CALB2: variants seen among roughly 807,000 people sequenced by gnomAD.
CALB2 encodes the protein calbindin 2, also known as calretinin.
A neutral mutation model predicts 45.9 loss-of-function variants in CALB2; 34 were observed. That is an observed-to-expected ratio of 0.74 (90% CI 0.56 to 0.99). The LOEUF (loss-of-function observed/expected upper bound fraction) is 0.99, where lower values mean the gene tolerates loss of function less well. Among genes scored for constraint, CALB2 ranks in the 50% least tolerant of loss-of-function variants. CALB2 has a pLI of 0.00. For synonymous variants in CALB2, 142 were observed against 129.6 expected (o/e 1.10, Z -0.65); for missense variants, 344 against 339.3 (o/e 1.01, Z -0.11).
chr16:71,384,742 C>G (rs1271240110), intron 8 of CALB2, 41 bp from the exon 9 acceptor site: 2 of 1,067,236 alleles, frequency 1.9e-6, no homozygotes, highest in Non-Finnish European at 2.3e-6. Context: ...ACACACACCA[C>G]TGCGCTTCTG....
intron 1 of CALB2, among the ~76,000 whole-genome samples, chr16:71,360,677 G>T: frequency 6.6e-6 from 1 of 152,194 alleles, no homozygotes. Flanking sequence ...AGAGGGACAA[G>T]CAAGAGCACT....
In CALB2 at chr16:71,385,628, C is replaced by A. The variant is rs770009197; in HGVS notation, c.679C>A (p.Leu227Met). Residue 227 changes from leucine to methionine, a missense_variant, in exon 10 of 11, where the codon CTG becomes ATG. This residue lies in a region of CALB2 where 263 missense variants were observed against 241.7 expected (regional missense o/e 1.09). Transcript: ENST00000302628. ...EHELDALLKD[L>M]YEKNKKEMNI... ...TGAGCTGGATGCCCTTTTGAAGGAT[C>A]TGTACGAGAAAAACAAAAAGGTGAG... 2 of 1,613,942 alleles carry A rather than the reference C, an allele frequency of 1.2e-6. No homozygotes were observed. The highest frequency in any genetic ancestry group is 1.7e-5 in the Admixed American group (1 of 60,014).
At chr16:71,371,737 G>T (rs573978680) in intron 1 of CALB2, among the ~76,000 whole-genome samples, 9 of 152,134 alleles carry the variant, frequency 5.9e-5, no homozygotes, top group Admixed American at 5.9e-4. Flanking sequence ...TCCAAATAAG[G>T]TCCCATTCTG....
At chr16:71,372,624 G>A (rs867466480) in intron 2 of CALB2, among the ~76,000 whole-genome samples, 1 of 152,156 alleles carries the variant, frequency 6.6e-6, no homozygotes, top group African/African-American at 2.4e-5. Flanking sequence ...CTAGACCAGA[G>A]TTTCTCAGCC....
At chr16:71,389,701 C>A in intron 10 of CALB2, 48 bp from the exon 11 acceptor site, 1 of 1,382,306 alleles carries the variant, frequency 7.2e-7, no homozygotes, top group Non-Finnish European at 1.0e-6. Flanking sequence ...CTCCTTGCGT[C>A]GGGACCATCC....
intron 1 of CALB2, among the ~76,000 whole-genome samples, chr16:71,371,899 G>A (rs1233435545): frequency 6.6e-6 from 1 of 152,148 alleles, no homozygotes; most frequent in Non-Finnish European, 1.5e-5. Context: ...GCCAACTTCT[G>A]CTCTCCTCTG....
chr16:71,385,925 CA>C (rs1468643635), intron 10 of CALB2, among the ~76,000 whole-genome samples: 1 of 152,190 alleles, frequency 6.6e-6, no homozygotes, highest in African/African-American at 2.4e-5. Flanking sequence ...TGGCATTGAA[CA>C]TATTCATAAT....
intron 1 of CALB2, 21 bp from the exon 2 acceptor site, chr16:71,372,130 ATT>A: frequency 2.0e-6 from 3 of 1,513,746 alleles, no homozygotes; most frequent in Non-Finnish European, 2.7e-6. Context: ...GCTGAGATTG[ATT>A]TTTTCTCTCT....
chr16:71,375,901 C>T (rs1364356803), intron 3 of CALB2, among the ~76,000 whole-genome samples: 1 of 152,190 alleles, frequency 6.6e-6, no homozygotes, highest in East Asian at 1.9e-4. Context: ...AGGAGGGGAC[C>T]TGTGGAACTT....
chr16:71,389,993 G>C lies in CALB2; in HGVS notation c.*128G>C. ...TACAGCCTGCACACACCTGCCTGCAGAGCAGGAAATGAGAGATAGAGGATG... is the reference window on the plus strand; with the variant it reads ...TACAGCCTGCACACACCTGCCTGCACAGCAGGAAATGAGAGATAGAGGATG... On this transcript the variant is annotated 3_prime_UTR_variant, in exon 11 of 11. Coordinates refer to ENST00000302628, the MANE Select transcript of CALB2 (RefSeq NM_001740.5). 1 of 667,062 alleles carries C rather than the reference G, an allele frequency of 1.5e-6. No homozygotes were observed. The highest frequency in any genetic ancestry group is 2.7e-6 in the Non-Finnish European group (1 of 374,562). 41.3% of individuals were successfully genotyped at this position (667,062 alleles called of 1,614,324 possible). A position where few individuals can be genotyped will look rare whatever the true frequency, so the allele number is the denominator to read the frequency against.
intron 3 of CALB2, among the ~76,000 whole-genome samples, chr16:71,375,541 A>G (rs1162897452): frequency 1.3e-5 from 2 of 152,094 alleles, no homozygotes; most frequent in Admixed American, 6.6e-5. Flanking sequence ...CCATCTTTAC[A>G]AACCATATAA....
intron 9 of CALB2, 92 bp from the exon 10 acceptor site, chr16:71,385,485 G>C: frequency 9.5e-7 from 1 of 1,055,980 alleles, no homozygotes; most frequent in African/African-American, 1.6e-5. Context: ...CAGAGTAATG[G>C]AGAGGCTAGA....
At position 71,358,756 on chromosome 16, in the gene CALB2, G is replaced by C. The variant is rs748418782; in HGVS notation, c.-37G>C. 2.3e-5 allele frequency: 35 copies of C among 1,534,664 alleles called. No homozygotes were observed. Among genetic ancestry groups the C allele is most frequent in the Non-Finnish European group, 1.4e-5 (16 of 1,123,784 alleles). On this transcript the variant is annotated 5_prime_UTR_variant, in exon 1 of 11. Coordinates refer to ENST00000302628, the MANE Select transcript of CALB2 (RefSeq NM_001740.5). ...TGCCAGAGCCCAGCCGGCGCGGAGC[G>C]GGAGCGGTGCAGGCTGAGGTCTCCG...
Position 71,381,583 on chromosome 16 carries a change from G to C in CALB2, c.343-1136G>C, listed in dbSNP as rs78540307. 1.9e-3 allele frequency among the ~76,000 whole-genome samples: 291 copies of C among 152,224 alleles called. 1 individual carries two copies. Among genetic ancestry groups the C allele is most frequent in the Non-Finnish European group, 2.5e-3 (168 of 68,010 alleles). On this transcript the variant is annotated intron_variant, in intron 4 of 10. Coordinates refer to ENST00000302628, the MANE Select transcript of CALB2 (RefSeq NM_001740.5). Reference sequence around the variant, plus strand: ...AAAGGGGCACATGCAGTGGAGAAGTGGGGGGAGGCAGGGGATAAGATGTAG... The same window carrying C: ...AAAGGGGCACATGCAGTGGAGAAGTCGGGGGAGGCAGGGGATAAGATGTAG...
intron 4 of CALB2, among the ~76,000 whole-genome samples, chr16:71,379,589 T>G (rs1307467935): frequency 1.3e-5 from 2 of 152,122 alleles, no homozygotes; most frequent in Non-Finnish European, 2.9e-5. Context: ...TCCCTCAGAG[T>G]GAAATTCAAC....
chr16:71,383,796 A>C (rs1834728551), intron 6 of CALB2, among the ~76,000 whole-genome samples, 174 bp from the exon 7 acceptor site: 1 of 151,994 alleles, frequency 6.6e-6, no homozygotes, highest in African/African-American at 2.4e-5. Flanking sequence ...CCTGTGGTCC[A>C]CCCAGGGGAC....
chr16:71,372,304 G>C, intron 2 of CALB2, 75 bp downstream of exon 2: 3 of 1,054,800 alleles, frequency 2.8e-6, no homozygotes, highest in Non-Finnish European at 4.3e-6. Flanking sequence ...TCCCAGTTAT[G>C]TATGCCATAA....
Position 71,374,749 on chromosome 16 carries a change from C to A in CALB2, c.176C>A (p.Ser59Ter). 2 of 1,610,610 alleles carry A rather than the reference C, an allele frequency of 1.2e-6. No individual in the cohort carries two copies. Among genetic ancestry groups the A allele is most frequent in the South Asian group, 2.2e-5 (2 of 90,824 alleles). Residue 59 changes from serine (S) to a stop codon, truncating the protein, a stop_gained, in exon 3 of 11, where the codon TCA becomes TAA. Coordinates refer to ENST00000302628, the MANE Select transcript of CALB2 (RefSeq NM_001740.5). LOFTEE classifies it high-confidence loss of function. ...GCCCCCTTTGTCTTTCCACAGATGT[C>A]AAAGAGTGACAACTTTGGAGAAAAG... ...EKARKGSGMM[S>*]KSDNFGEKMK...
At chr16:71,360,835 A>G (rs988309814) in intron 1 of CALB2, among the ~76,000 whole-genome samples, 21 of 152,218 alleles carry the variant, frequency 1.4e-4, no homozygotes, top group Non-Finnish European at 2.9e-5. Context: ...TTCCGAGGTC[A>G]TGGAGCAAGT....
Sources: allele counts gnomAD v4.1 joint callset (sites outside exome capture counted in the v4.1 genomes callset), GRCh38; gene constraint gnomAD v4.1.1; regional missense constraint gnomAD v4.1.1; transcripts MANE v1.5; gene names NCBI Gene and HGNC (gene_info 2026-07-23, HGNC 2026-07-21).